Variants in MMP26 observed in about 807,000 individuals in gnomAD.
MMP26 encodes matrix metalloproteinase-26.
In MMP26, 33 loss-of-function variants were observed where a neutral mutation model predicts 31.0. That is an observed-to-expected ratio of 1.06 (90% confidence interval 0.81 to 1.42). MMP26 has a LOEUF of 1.42. Ranked by LOEUF, MMP26 falls within the 40% of genes most tolerant of loss-of-function variation. The pLI, the probability that MMP26 is intolerant of heterozygous loss-of-function variation, is 0.00. For synonymous variants in MMP26, 122 were observed against 114.9 expected (o/e 1.06, Z -0.40); for missense variants, 347 against 316.1 (o/e 1.10, Z -0.74).
chr11:4,867,277 A>C (rs1194994462), intron 2 of MMP26, among the ~76,000 whole-genome samples: 1 of 152,170 alleles, frequency 6.6e-6, no homozygotes, highest in African/African-American at 2.4e-5. Flanking sequence ...GGCAAAGGAC[A>C]TGAACAGACA....
intron 2 of MMP26, among the ~76,000 whole-genome samples, chr11:4,823,038 T>C (rs11034078): frequency 0.1 from 15,763 of 152,130 alleles, 990 homozygotes; most frequent in Middle Eastern, 0.16. Context: ...CCAAGATTTA[T>C]CTTGGTGTAA....
chr11:4,862,409 T>G (rs1014383562), intron 2 of MMP26, among the ~76,000 whole-genome samples: 1 of 152,118 alleles, frequency 6.6e-6, no homozygotes, highest in Non-Finnish European at 1.5e-5. Flanking sequence ...TGGGTGAATA[T>G]GGATGATTGA....
Position 4,990,581 on chromosome 11 carries a change from G to T in MMP26, c.321-17G>T, listed in dbSNP as rs762548686. The T allele has an allele frequency of 1.2e-6, 2 of 1,605,854 alleles. No individual in the cohort carries two copies. The highest frequency in any genetic ancestry group is 2.2e-5 in the East Asian group (1 of 44,802). On this transcript the variant is annotated splice_polypyrimidine_tract_variant and intron_variant, in intron 4 of 7. Coordinates refer to ENST00000380390, the MANE Select transcript of MMP26 (RefSeq NM_021801.5). ...CCATTCCTCTGAACTATTTCATTTA[G>T]AGATTGCTTTCCTCAGGATTATCAA... is the stretch of plus-strand genomic sequence containing the variant.
At chr11:4,846,928 G>T (rs11821302) in intron 2 of MMP26, among the ~76,000 whole-genome samples, 6,929 of 152,202 alleles carry the variant, frequency 0.046, 522 homozygotes, top group African/African-American at 0.16. Context: ...TCAGTAGGTT[G>T]TCAGAGACCC....
chr11:4,777,138 A>C (rs1351217948), intron 2 of MMP26, among the ~76,000 whole-genome samples: 1 of 152,166 alleles, frequency 6.6e-6, no homozygotes, highest in Non-Finnish European at 1.5e-5. Flanking sequence ...AACCTCCCTG[A>C]ATCTCAGTTT....
intron 1 of MMP26, among the ~76,000 whole-genome samples, chr11:4,755,653 C>T (rs1403016903): frequency 6.6e-6 from 1 of 151,888 alleles, no homozygotes; most frequent in Non-Finnish European, 1.5e-5. Flanking sequence ...TTTACAATTT[C>T]CCCTCCGATT....
intron 2 of MMP26, among the ~76,000 whole-genome samples, chr11:4,767,605 T>C (rs1344293314): frequency 2.0e-5 from 3 of 152,220 alleles, no homozygotes; most frequent in Non-Finnish European, 1.5e-5. Flanking sequence ...AATGCTATTA[T>C]ATAAATATTT....
intron 2 of MMP26, chr11:4,860,479 A>C (rs2133512543): frequency 2.1e-6 from 1 of 471,114 alleles, no homozygotes; most frequent in East Asian, 7.0e-5. Flanking sequence ...GGGAAAGGCC[A>C]ACCATGGGTT....
chr11:4,981,030 CATATT>C (rs1846805871), intron 2 of MMP26, among the ~76,000 whole-genome samples: 1 of 151,758 alleles, frequency 6.6e-6, no homozygotes, highest in African/African-American at 2.4e-5. Context: ...ACAATATAAA[CATATT>C]AGTTAAGTAG....
chr11:4,930,497 G>A (rs944915363), intron 2 of MMP26, among the ~76,000 whole-genome samples: 1 of 152,004 alleles, frequency 6.6e-6, no homozygotes, highest in African/African-American at 2.4e-5. Context: ...ATTTGGGCTG[G>A]CAGAAAATTT....
chr11:4,861,463 ATG>A (rs560300452), intron 2 of MMP26, among the ~76,000 whole-genome samples: 9 of 151,424 alleles, frequency 5.9e-5, no homozygotes, highest in Middle Eastern at 3.5e-3. Context: ...ATATGTTCAT[ATG>A]TGTGTGTGTA....
chr11:4,778,457 C>G (rs576416961), intron 2 of MMP26, among the ~76,000 whole-genome samples: 1 of 152,112 alleles, frequency 6.6e-6, no homozygotes, highest in South Asian at 2.1e-4. Flanking sequence ...ATGTGGGTTT[C>G]TTTCTAGATT....
In MMP26 at chr11:4,988,285, AC is replaced by A. The variant is rs763203019; in HGVS notation, c.76del (p.His26IlefsTer16). 38 of 1,613,928 alleles carry A rather than the reference AC, an allele frequency of 2.4e-5. No individual in the cohort carries two copies. In the African/African-American group the frequency reaches 4.1e-4, roughly 18 times the overall value. On this transcript the variant is annotated frameshift_variant, in exon 3 of 8. Coordinates refer to ENST00000380390, the MANE Select transcript of MMP26 (RefSeq NM_021801.5). LOFTEE classifies it high-confidence loss of function. ...CFAVPVPPAADHKGWDFVEGY... is the reference protein window; with the variant it reads ...CFAVPVPPAAXHKGWDFVEGY... ...GCCGTTCCAGTGCCCCCTGCTGCAGACCATAAAGGATGGGACTTTGTTGAGG... is the reference window on the plus strand; with the variant it reads ...GCCGTTCCAGTGCCCCCTGCTGCAGACATAAAGGATGGGACTTTGTTGAGG...
At chr11:4,722,815 T>C in intron 1 of MMP26, 1 of 957,338 alleles carries the variant, frequency 1.0e-6, no homozygotes, top group East Asian at 2.4e-5. Context: ...ACGGCCCTGG[T>C]GGAGCTGGTG....
rs185423740 is a variant in MMP26, at chr11:4,883,961, A to G, written c.-144-104107A>G. On this transcript the variant is annotated intron_variant, in intron 2 of 7. Transcript: ENST00000380390. The stretch of plus-strand genomic sequence containing the variant: ...TGAGCCACCTCTCTCCTCCCCTTAT[A>G]TAAACTTCCTGTTCCTTGGCAGATA... Among the ~76,000 whole-genome samples, 10 of 152,152 alleles carry G rather than the reference A, an allele frequency of 6.6e-5. No individual in the cohort carries two copies. In the East Asian group the frequency reaches 1.6e-3, roughly 24 times the overall value.
At chr11:4,882,990 G>A (rs1850501205) in intron 2 of MMP26, 1 of 797,226 alleles carries the variant, frequency 1.3e-6, no homozygotes, top group Non-Finnish European at 2.0e-6. Flanking sequence ...TTGAATTTTA[G>A]GAGTGGGAAG....
At chr11:4,786,746 A>G (rs1454386289) in intron 2 of MMP26, 2 of 152,320 alleles carry the variant, frequency 1.3e-5, no homozygotes, top group African/African-American at 4.8e-5. Context: ...CTAACTAACC[A>G]GCTCACCATG....
chr11:4,807,896 C>G (rs1039116911), intron 2 of MMP26, among the ~76,000 whole-genome samples: 6 of 152,108 alleles, frequency 3.9e-5, no homozygotes, highest in African/African-American at 1.4e-4. Context: ...CCTTGAACTT[C>G]TGGGTTTAGG....
At chr11:4,758,715 C>T (rs73393054) in intron 1 of MMP26, among the ~76,000 whole-genome samples, 5,670 of 152,016 alleles carry the variant, frequency 0.037, 354 homozygotes, top group African/African-American at 0.13. Context: ...ATAGCAAAAA[C>T]AACTTCCACA....
Sources: allele counts gnomAD v4.1 joint callset (sites outside exome capture counted in the v4.1 genomes callset), GRCh38; gene constraint gnomAD v4.1.1; transcripts MANE v1.5; gene names NCBI Gene and HGNC (gene_info 2026-07-23, HGNC 2026-07-21).